Variants in BAALC observed in about 807,000 individuals in gnomAD.
BAALC encodes the protein brain and acute leukemia cytoplasmic protein.
A neutral mutation model predicts 15.5 loss-of-function variants in BAALC; 9 were observed. That is an observed-to-expected ratio of 0.58 (90% CI 0.35 to 1.02). BAALC has a LOEUF of 1.02. Among genes scored for constraint, BAALC ranks in the 50% least tolerant of loss-of-function variants. The probability of loss-of-function intolerance (pLI) is 0.02; values close to 1 mark genes in which losing one functional copy is unlikely to be tolerated. For synonymous variants in BAALC, 80 were observed against 74.6 expected (o/e 1.07, Z -0.37); for missense variants, 201 against 192.4 (o/e 1.04, Z -0.27).
At position 103,228,209 on chromosome 8, in the gene BAALC, A is replaced by C. The variant is rs1425204600; in HGVS notation, c.*110A>C. On this transcript the variant is annotated 3_prime_UTR_variant, in exon 3 of 3. Transcript: ENST00000309982. ...CTGCCCCTTGCTGGACCTGAATTCT[A>C]CTGAGTCCCTGGCAAGACTGTCTTA... 1.4e-6 allele frequency: 1 copy of C among 734,130 alleles called. No individual in the cohort carries two copies. The highest frequency in any genetic ancestry group is 1.8e-5 in the African/African-American group (1 of 56,714). The allele number at this position is 734,130 out of a possible 1,614,324, so 45.5% of individuals were successfully genotyped here. A position where few individuals can be genotyped will look rare whatever the true frequency, so the allele number is the denominator to read the frequency against.
At chr8:103,183,525 T>A in intron 1 of BAALC, 1 of 691,346 alleles carries the variant, frequency 1.4e-6, no homozygotes, top group Non-Finnish European at 2.7e-6. Flanking sequence ...GGGACAACTC[T>A]GCAAAACCAG....
intron 1 of BAALC, chr8:103,165,619 A>C (rs1211062890): frequency 6.6e-6 from 1 of 152,204 alleles, no homozygotes; most frequent in African/African-American, 2.4e-5. Context: ...TCAGCAACAG[A>C]ACAAAAACCA....
At chr8:103,172,378 C>T (rs1811515931) in intron 1 of BAALC, among the ~76,000 whole-genome samples, 1 of 139,688 alleles carries the variant, frequency 7.2e-6, no homozygotes, top group Middle Eastern at 3.8e-3. Flanking sequence ...AGACTGAATT[C>T]TATTCTGGCT....
Position 103,227,983 on chromosome 8 carries a change from T to G in BAALC, c.328-6T>G. On this transcript the variant is annotated splice_polypyrimidine_tract_variant and splice_region_variant and intron_variant, in intron 2 of 2. Coordinates refer to ENST00000309982, the MANE Select transcript of BAALC (RefSeq NM_024812.3). ...GTAACTCAATTCACTGTTTTCAACT[T>G]AACAGGCTAAAAGAGATGCTAAGAG... is the stretch of plus-strand genomic sequence containing the variant. 1 of 1,601,052 alleles carries G rather than the reference T, an allele frequency of 6.2e-7. No homozygotes were observed. Among genetic ancestry groups the G allele is most frequent in the South Asian group, 1.1e-5 (1 of 90,344 alleles).
chr8:103,174,654 C>T (rs766323931), intron 1 of BAALC, among the ~76,000 whole-genome samples: 14 of 152,192 alleles, frequency 9.2e-5, no homozygotes, highest in Non-Finnish European at 1.8e-4. Flanking sequence ...CTTTTTTAGA[C>T]TCACTCCAAG....
chr8:103,209,116 A>C (rs1812393532), intron 1 of BAALC, among the ~76,000 whole-genome samples: 1 of 152,194 alleles, frequency 6.6e-6, no homozygotes, highest in African/African-American at 2.4e-5. Flanking sequence ...TCACACCTGT[A>C]ATCCCAGCAC....
At chr8:103,141,270 G>A (rs1290958935) in intron 1 of BAALC, 11 of 518,742 alleles carry the variant, frequency 2.1e-5, no homozygotes, top group East Asian at 7.2e-5. Flanking sequence ...CTGCGCCGAT[G>A]CCCCAGCTTC....
chr8:103,184,988 C>T (rs1423226544), intron 1 of BAALC, among the ~76,000 whole-genome samples: 5 of 152,094 alleles, frequency 3.3e-5, no homozygotes, highest in East Asian at 1.9e-4. Context: ...TCCTTGGGCA[C>T]GGTGACATGA....
intron 2 of BAALC, among the ~76,000 whole-genome samples, chr8:103,223,806 A>C (rs1812736481): frequency 6.6e-6 from 1 of 152,188 alleles, no homozygotes; most frequent in Admixed American, 6.5e-5. Context: ...GTGAAATCTT[A>C]CCAACAGTCT....
intron 1 of BAALC, chr8:103,198,071 A>AT (rs1196120181): frequency 1.4e-6 from 1 of 693,524 alleles, no homozygotes; most frequent in African/African-American, 1.8e-5. Context: ...AACAACTATA[A>AT]TTTTTTTCCA....
chr8:103,164,377 C>G (rs1284304631), intron 1 of BAALC, among the ~76,000 whole-genome samples: 1 of 152,142 alleles, frequency 6.6e-6, no homozygotes, highest in Non-Finnish European at 1.5e-5. Flanking sequence ...TCAACGGAAG[C>G]AGGGATAGGA....
At chr8:103,204,005 C>A (rs1812276938) in intron 1 of BAALC, among the ~76,000 whole-genome samples, 1 of 152,150 alleles carries the variant, frequency 6.6e-6, no homozygotes, top group African/African-American at 2.4e-5. Flanking sequence ...GAATTGCAGA[C>A]TGAAAGCAGC....
chr8:103,211,212 C>G (rs1373851271), intron 1 of BAALC, among the ~76,000 whole-genome samples: 1 of 152,140 alleles, frequency 6.6e-6, no homozygotes, highest in East Asian at 1.9e-4. Flanking sequence ...TCTTCTCTAG[C>G]CTCTCATCTA....
intron 1 of BAALC, among the ~76,000 whole-genome samples, chr8:103,150,685 T>C (rs1810967413): frequency 6.6e-6 from 1 of 152,236 alleles, no homozygotes; most frequent in African/African-American, 2.4e-5. Context: ...TGTGGTGATG[T>C]TGTGAGTCTT....
intron 1 of BAALC, among the ~76,000 whole-genome samples, chr8:103,157,442 C>G (rs932966290): frequency 2.0e-5 from 3 of 152,100 alleles, no homozygotes; most frequent in Admixed American, 6.6e-5. Flanking sequence ...AATTTTGAAG[C>G]AAATTCCGGA....
intron 1 of BAALC, among the ~76,000 whole-genome samples, chr8:103,207,268 A>G (rs1311539377): frequency 6.6e-6 from 1 of 152,256 alleles, no homozygotes; most frequent in Non-Finnish European, 1.5e-5. Context: ...AAAAGCAAAC[A>G]GAAGCTCATT....
At chr8:103,183,237 C>A in intron 1 of BAALC, 1 of 656,202 alleles carries the variant, frequency 1.5e-6, no homozygotes, top group Admixed American at 2.1e-5. Flanking sequence ...TGGACACCAG[C>A]AAGATGGCCA....
At chr8:103,159,079 T>A (rs1811164542) in intron 1 of BAALC, among the ~76,000 whole-genome samples, 1 of 152,152 alleles carries the variant, frequency 6.6e-6, no homozygotes, top group Admixed American at 6.5e-5. Flanking sequence ...TTGAAAAAAG[T>A]TTCTGTATTC....
chr8:103,187,551 C>G (rs1196418801), intron 1 of BAALC, among the ~76,000 whole-genome samples: 1 of 152,138 alleles, frequency 6.6e-6, no homozygotes, highest in Non-Finnish European at 1.5e-5. Context: ...TGTGTTAAGC[C>G]GTAAGCTTAG....
Sources: gnomAD v4.1 joint callset for allele counts (sites outside exome capture counted in the v4.1 genomes callset) on GRCh38, gnomAD v4.1.1 for gene constraint, MANE v1.5 for transcripts, NCBI Gene and HGNC (gene_info 2026-07-23, HGNC 2026-07-21) for gene names.